ZDHHC23: variants seen among roughly 807,000 people sequenced by gnomAD.
ZDHHC23 encodes the protein palmitoyltransferase ZDHHC23.
Under a neutral mutation model 40.2 loss-of-function variants are expected in ZDHHC23, and 41 were observed. The ratio of observed to expected loss-of-function variants is 1.02; its 90% CI spans 0.79 to 1.32. ZDHHC23 has a LOEUF of 1.32. ZDHHC23 is among the 40% of genes most tolerant of loss of function. The pLI, the probability that ZDHHC23 is intolerant of heterozygous loss-of-function variation, is 0.00. For missense variants in ZDHHC23, 471 were observed against 541.5 expected (o/e 0.87, Z 1.29); for synonymous variants, 204 against 210.2 (o/e 0.97, Z 0.26).
chr3:113,956,822 TAAAC>T (rs1245477208), intron 4 of ZDHHC23, among the ~76,000 whole-genome samples: 2 of 152,204 alleles, frequency 1.3e-5, no homozygotes, highest in East Asian at 3.9e-4. Context: ...ACAGAAACAA[TAAAC>T]AAAAACTAGC....
In ZDHHC23 at chr3:113,961,036, C is replaced by G. The variant is rs2107522032; in HGVS notation, c.*2406C>G. ...ACTATTTGAGGGGTTTCATTATAGG[C>G]CTTGGTTCTCTCCAGGGGCCAGATG... On this transcript the variant is annotated 3_prime_UTR_variant, in exon 5 of 5. Transcript: ENST00000638807. 3.0e-6 allele frequency: 1 copy of G among 334,704 alleles called. No individual in the cohort carries two copies. Among genetic ancestry groups the G allele is most frequent in the South Asian group, 9.9e-5 (1 of 10,110 alleles). 20.7% of individuals were successfully genotyped at this position (334,704 alleles called of 1,614,324 possible). A position where few individuals can be genotyped will look rare whatever the true frequency, so the allele number is the denominator to read the frequency against.
At chr3:113,969,107 AGAGT>A (rs1940530605), downstream of ZDHHC23, among the ~76,000 whole-genome samples, 1 of 152,218 alleles carries the variant, frequency 6.6e-6, no homozygotes, top group South Asian at 2.1e-4. Context: ...CGTAACTAAT[AGAGT>A]GAGAATGCAC....
Position 113,960,742 on chromosome 3 carries a change from C to T in ZDHHC23, c.*2112C>T, listed in dbSNP as rs12629415. ...TAGGGTTACTTGGATGAGCCAACTC[C>T]GCTTCCTTCCCATGGATAGGAAGGG... is the stretch of plus-strand genomic sequence containing the variant. On this transcript the variant is annotated 3_prime_UTR_variant, in exon 5 of 5. Coordinates refer to ENST00000638807, the MANE Select transcript of ZDHHC23 (RefSeq NM_001320466.2). 95 of 1,567,044 alleles carry T rather than the reference C, an allele frequency of 6.1e-5. No homozygotes were observed. Among genetic ancestry groups the T allele is most frequent in the Admixed American group, 2.4e-4 (12 of 49,540 alleles).
chr3:113,970,872 C>T, the ZDHHC23 span, among the ~76,000 whole-genome samples: 1 of 152,142 alleles, frequency 6.6e-6, no homozygotes, highest in Non-Finnish European at 1.5e-5. Flanking sequence ...CCAGCTTCAT[C>T]CATGTCCCTA....
Position 113,953,859 on chromosome 3 carries a change from C to T in ZDHHC23, c.321C>T (p.Ser107=). The T allele has an allele frequency of 1.2e-6, 2 of 1,614,204 alleles. No homozygotes were observed. Among genetic ancestry groups the T allele is most frequent in the Non-Finnish European group, 1.7e-6 (2 of 1,180,040 alleles). The change falls in exon 3 of 5, where the codon TCC becomes TCT. Residue 107 remains serine (S), a synonymous_variant. Transcript: ENST00000638807. ...VLLPVFLHVA[S]WHFLLGVVVL... ...TGCCTGTCTTCCTTCATGTGGCTTCCTGGCATTTCCTCCTGGGGGTGGTGG... is the reference window on the plus strand; with the variant it reads ...TGCCTGTCTTCCTTCATGTGGCTTCTTGGCATTTCCTCCTGGGGGTGGTGG...
downstream of ZDHHC23, chr3:113,965,060 A>C: frequency 1.6e-6 from 1 of 639,940 alleles, no homozygotes; most frequent in Non-Finnish European, 2.6e-6. Flanking sequence ...CGTAGAGAAT[A>C]AACCAGGTGT....
chr3:113,955,389 T>TGTGTGTGC lies in ZDHHC23; in HGVS notation c.873-947_873-946insTGTGCGTG, dbSNP rs368956826. 8.4e-3 allele frequency among the ~76,000 whole-genome samples: 1,171 copies of TGTGTGTGC among 140,222 alleles called. 15 individuals carry two copies. The highest frequency in any genetic ancestry group is 0.029 in the African/African-American group (1,077 of 37,660). The allele number at this position is 140,222 out of a possible 152,430, so 92.0% of individuals were successfully genotyped here. On this transcript the variant is annotated intron_variant, in intron 3 of 4. Coordinates refer to ENST00000638807, the MANE Select transcript of ZDHHC23 (RefSeq NM_001320466.2). ...GTGTGTGTGTGTGTGTGTGTGTGTG[T>TGTGTGTGC]GTGCGTGTGTGTTCCATTTACAAAT...
the ZDHHC23 span, among the ~76,000 whole-genome samples, chr3:113,976,255 T>C: frequency 0.022 from 3,283 of 150,794 alleles, 48 homozygotes; most frequent in Middle Eastern, 0.037. Flanking sequence ...TAAGACTTTG[T>C]CTCAGGGTAA....
the ZDHHC23 span, among the ~76,000 whole-genome samples, chr3:113,973,032 G>A: frequency 6.6e-6 from 1 of 152,096 alleles, no homozygotes; most frequent in Non-Finnish European, 1.5e-5. Flanking sequence ...TTTAATTGGA[G>A]AACTGAGTCC....
the ZDHHC23 span, among the ~76,000 whole-genome samples, chr3:113,971,759 C>A: frequency 1.3e-5 from 2 of 151,678 alleles, no homozygotes; most frequent in African/African-American, 4.8e-5. Context: ...TGTATTAGTT[C>A]TTCTTTAAAA....
chr3:113,950,945 C>A (rs1411613098), intron 2 of ZDHHC23, among the ~76,000 whole-genome samples: 1 of 152,184 alleles, frequency 6.6e-6, no homozygotes, highest in Non-Finnish European at 1.5e-5. Context: ...GTGGGGCAAA[C>A]AATGTTAAGC....
At position 113,959,679 on chromosome 3, in the gene ZDHHC23, G is replaced by T. The variant is rs1939550265; in HGVS notation, c.*1049G>T. The T allele has an allele frequency of 1.8e-6, 2 of 1,136,660 alleles. No homozygotes were observed. Among genetic ancestry groups the T allele is most frequent in the Admixed American group, 2.9e-5 (1 of 34,416 alleles). 70.4% of individuals were successfully genotyped at this position (1,136,660 alleles called of 1,614,324 possible). A position where few individuals can be genotyped will look rare whatever the true frequency, so the allele number is the denominator to read the frequency against. ...ATGCTGTCAGTTATAGCACTAAATT[G>T]TGAAAATCAGCCTTCTGGCATTCAC... On this transcript the variant is annotated 3_prime_UTR_variant, in exon 5 of 5. Coordinates refer to ENST00000638807, the MANE Select transcript of ZDHHC23 (RefSeq NM_001320466.2).
the ZDHHC23 span, chr3:113,978,332 C>A: frequency 5.4e-4 from 868 of 1,613,496 alleles, 9 homozygotes; most frequent in East Asian, 0.014. Context: ...CAATCACGTA[C>A]TGGGGATGAA....
rs1482088515 is a variant in ZDHHC23 at position 113,958,589 on chromosome 3, G to A, written c.1267G>A (p.Gly423Ser). 1 of 1,605,992 alleles carries A rather than the reference G, an allele frequency of 6.2e-7. No homozygotes were observed. The highest frequency in any genetic ancestry group is 8.5e-7 in the Non-Finnish European group (1 of 1,179,728). The change falls in exon 5 of 5, where the codon GGC becomes AGC. Residue 423 changes from glycine to serine, a missense_variant. Physicochemically the swap from Gly to Ser is moderately conservative, Grantham distance 56. This residue lies in a region of ZDHHC23 where 346 missense variants were observed against 399.8 expected (regional missense o/e 0.87). Transcript: ENST00000638807. ...LRNWHQFSTL[G>S]TRAFHHPAED... ...GAACTGGCACCAGTTCTCCACCCTGGGCACACGTGCATTCCACCACCCTGC... is the reference window on the plus strand; with the variant it reads ...GAACTGGCACCAGTTCTCCACCCTGAGCACACGTGCATTCCACCACCCTGC...
At chr3:113,973,150 G>A in the ZDHHC23 span, among the ~76,000 whole-genome samples, 3 of 152,070 alleles carry the variant, frequency 2.0e-5, no homozygotes, top group Non-Finnish European at 4.4e-5. Context: ...GTTTTCCCTT[G>A]TGGCAAAACG....
the ZDHHC23 span, among the ~76,000 whole-genome samples, chr3:113,971,953 A>T: frequency 6.6e-6 from 1 of 151,988 alleles, no homozygotes; most frequent in African/African-American, 2.4e-5. Flanking sequence ...TATGTTTTCC[A>T]GTTTATTGAT....
At position 113,963,024 on chromosome 3, in the gene ZDHHC23, T is replaced by G. The variant is rs1939801927; in HGVS notation, c.*4394T>G. The G allele has an allele frequency of 6.6e-6, 1 of 152,162 alleles. No homozygotes were observed. The highest frequency in any genetic ancestry group is 1.5e-5 in the Non-Finnish European group (1 of 68,032). The allele number at this position is 152,162 out of a possible 1,614,324, so 9.4% of individuals were successfully genotyped here. On this transcript the variant is annotated 3_prime_UTR_variant, in exon 5 of 5. Transcript: ENST00000638807. ...GAGTGTCTCCTGAAGTCTTCTGATTTCTGAAAACCCTGCATTATACCTGTG... is the reference window on the plus strand; with the variant it reads ...GAGTGTCTCCTGAAGTCTTCTGATTGCTGAAAACCCTGCATTATACCTGTG...
At chr3:113,974,461 A>G in the ZDHHC23 span, among the ~76,000 whole-genome samples, 1 of 152,040 alleles carries the variant, frequency 6.6e-6, no homozygotes, top group Non-Finnish European at 1.5e-5. Context: ...GTGGGACTAC[A>G]GATGCACACC....
downstream of ZDHHC23, among the ~76,000 whole-genome samples, chr3:113,968,723 G>T (rs35373479): frequency 7.7e-3 from 1,166 of 151,774 alleles, 4 homozygotes; most frequent in Non-Finnish European, 0.011. Flanking sequence ...GCCTCCCAAA[G>T]TGTTGGGATT....
Sources: allele counts gnomAD v4.1 joint callset (sites outside exome capture counted in the v4.1 genomes callset), GRCh38; gene constraint gnomAD v4.1.1; regional missense constraint gnomAD v4.1.1; transcripts MANE v1.5; gene names NCBI Gene and HGNC (gene_info 2026-07-23, HGNC 2026-07-21).